PTPN3: variants seen among roughly 807,000 people sequenced by gnomAD.
PTPN3 encodes the protein tyrosine-protein phosphatase non-receptor type 3.
A neutral mutation model predicts 132.7 loss-of-function variants in PTPN3; 96 were observed. That is an observed-to-expected ratio of 0.72 (90% CI 0.61 to 0.86). The LOEUF (loss-of-function observed/expected upper bound fraction) is 0.86, where lower values mean the gene tolerates loss of function less well. Among genes scored for constraint, PTPN3 ranks in the 40% least tolerant of loss-of-function variants. PTPN3 has a pLI of 0.00. For synonymous variants in PTPN3, 398 were observed against 429.0 expected (o/e 0.93, Z 0.89); for missense variants, 1,125 against 1,159.6 (o/e 0.97, Z 0.43).
the PTPN3 span, chr9:109,534,004 C>T: frequency 1.3e-6 from 1 of 767,086 alleles, no homozygotes; most frequent in Non-Finnish European, 2.4e-6. Flanking sequence ...CATCAAACTC[C>T]ACAGTCTCTC....
chr9:109,477,752 C>T (rs963335269), intron 1 of PTPN3, among the ~76,000 whole-genome samples: 1 of 152,248 alleles, frequency 6.6e-6, no homozygotes, highest in Non-Finnish European at 1.5e-5. Flanking sequence ...ATGACCAGCT[C>T]TCCTTCCGGA....
chr9:109,483,532 A>T (rs1847063245), intron 1 of PTPN3, among the ~76,000 whole-genome samples: 1 of 152,158 alleles, frequency 6.6e-6, no homozygotes, highest in Admixed American at 6.5e-5. Flanking sequence ...GAGTGCTAAG[A>T]CAGAGGACCT....
At chr9:109,470,368 A>G (rs1335332870) in intron 1 of PTPN3, among the ~76,000 whole-genome samples, 1 of 152,096 alleles carries the variant, frequency 6.6e-6, no homozygotes, top group African/African-American at 2.4e-5. Context: ...CGCCTTTAGG[A>G]AGACAGAAAC....
chr9:109,510,730 GAT>G, the PTPN3 span, among the ~76,000 whole-genome samples: 2 of 151,036 alleles, frequency 1.3e-5, no homozygotes, highest in African/African-American at 4.9e-5. Context: ...TAATGCTAGT[GAT>G]TCAACTCCTG....
chr9:109,510,514 C>T, the PTPN3 span, among the ~76,000 whole-genome samples: 12 of 143,318 alleles, frequency 8.4e-5, no homozygotes, highest in Admixed American at 2.2e-4. Flanking sequence ...GCCGAGATTG[C>T]GCCATTGCAC....
intron 1 of PTPN3, among the ~76,000 whole-genome samples, chr9:109,476,357 A>G (rs2132087854): frequency 6.6e-6 from 1 of 151,930 alleles, no homozygotes; most frequent in East Asian, 1.9e-4. Flanking sequence ...TCAAAATAAC[A>G]AGTTGTAAAC....
the PTPN3 span, among the ~76,000 whole-genome samples, chr9:109,523,202 C>T: frequency 1.3e-5 from 2 of 151,758 alleles, no homozygotes; most frequent in Non-Finnish European, 2.9e-5. Flanking sequence ...CAGCAACCTC[C>T]GCCTCAGGTT....
chr9:109,386,473 C>T (rs538768159), intron 22 of PTPN3, among the ~76,000 whole-genome samples: 157 of 152,132 alleles, frequency 1.0e-3, no homozygotes, highest in African/African-American at 3.3e-3. Flanking sequence ...GCTCTCGAAT[C>T]GGTGTTGGGG....
chr9:109,459,876 C>T lies in PTPN3; in HGVS notation c.139-2477G>A, dbSNP rs1176046915. Reference sequence around the variant, plus strand: ...TTCTCAGACTCCTTTAGTGCCTGCTCCTCACCTCTCCTACCCTTAAGCACC... The same window carrying T: ...TTCTCAGACTCCTTTAGTGCCTGCTTCTCACCTCTCCTACCCTTAAGCACC... On this transcript the variant is annotated intron_variant, in intron 2 of 25. Transcript: ENST00000374541. Among the ~76,000 whole-genome samples the T allele has an allele frequency of 2.0e-5, 3 of 152,192 alleles. No homozygotes were observed. In the South Asian group the frequency reaches 6.2e-4, roughly 32 times the overall value.
chr9:109,452,169 G>A (rs537321015), intron 5 of PTPN3, among the ~76,000 whole-genome samples: 16 of 150,640 alleles, frequency 1.1e-4, no homozygotes, highest in African/African-American at 3.9e-4. Context: ...TCAGGAGGCT[G>A]AGGCAGGAGA....
At position 109,378,494 on chromosome 9, in the gene PTPN3, A is replaced by G. The variant is rs1838755502; in HGVS notation, c.*1062T>C. On this transcript the variant is annotated 3_prime_UTR_variant, in exon 26 of 26. Transcript: ENST00000374541. ...TTCCATACAGAGACTCATTCTTTAT[A>G]TATACTCAACGGTAATTTGAATCGT... The G allele has an allele frequency of 6.6e-6, 1 of 152,610 alleles. No homozygotes were observed. The highest frequency in any genetic ancestry group is 6.5e-5 in the Admixed American group (1 of 15,282). The allele number at this position is 152,610 out of a possible 1,614,324, so 9.5% of individuals were successfully genotyped here.
At chr9:109,465,630 A>T (rs991324621) in intron 1 of PTPN3, among the ~76,000 whole-genome samples, 2 of 141,860 alleles carry the variant, frequency 1.4e-5, no homozygotes, top group African/African-American at 5.3e-5. Context: ...AATCACTTGA[A>T]CCCAGGAGGC....
chr9:109,473,833 T>C (rs57707037), intron 1 of PTPN3, among the ~76,000 whole-genome samples: 8,362 of 152,170 alleles, frequency 0.055, 357 homozygotes, highest in East Asian at 0.23. Context: ...AGACACTCCC[T>C]TCCACAGGTG....
chr9:109,381,319 G>A (rs960285726), intron 25 of PTPN3, among the ~76,000 whole-genome samples: 1 of 152,194 alleles, frequency 6.6e-6, no homozygotes, highest in Non-Finnish European at 1.5e-5. Context: ...TCAAAGTAGG[G>A]TCATATGCAA....
In PTPN3 at chr9:109,420,453, T is replaced by C. The variant is rs1373618751; in HGVS notation, c.1284A>G (p.Glu428=). The stretch of plus-strand genomic sequence containing the variant: ...GGTGCGGGCTTCGGTTCTGAGAAAC[T>C]TCAGAATCGCTGTCTTGAGGGGCCA... ...GSLAPQDSDS[E]VSQNRSPHQE... Residue 428 remains glutamate, a synonymous_variant, in exon 14 of 26, where the codon GAA becomes GAG. Transcript: ENST00000374541. 4 of 1,607,600 alleles carry C rather than the reference T, an allele frequency of 2.5e-6. No homozygotes were observed. The highest frequency in any genetic ancestry group is 2.7e-5 in the African/African-American group (2 of 74,930).
At position 109,404,565 on chromosome 9, in the gene PTPN3, G is replaced by C; in HGVS notation, c.1836C>G (p.Asn612Lys). The C allele has an allele frequency of 6.4e-7, 1 of 1,564,592 alleles. No homozygotes were observed. Among genetic ancestry groups the C allele is most frequent in the Non-Finnish European group, 8.7e-7 (1 of 1,147,196 alleles). ...GGAAAATGGCTTCGGGGAAAAGCTG[G>C]TTCAGTTCATCTTCAGACTTGAAGT... Reference protein sequence around the residue: ...FADFKSEDELNQLFPEAIFPM... With the variant: ...FADFKSEDELKQLFPEAIFPM... The change falls in exon 19 of 26, where the codon AAC becomes AAG. Residue 612 changes from asparagine (N) to lysine (K), a missense_variant. Physicochemically the swap from Asn to Lys is moderately conservative, Grantham distance 94 (BLOSUM62 0). Transcript: ENST00000374541.
intron 7 of PTPN3, among the ~76,000 whole-genome samples, chr9:109,443,560 C>T (rs1844641951): frequency 6.6e-6 from 1 of 152,152 alleles, no homozygotes; most frequent in African/African-American, 2.4e-5. Flanking sequence ...GTTAGTGTTC[C>T]TGCCTCATAA....
At chr9:109,415,024 G>A (rs1842361146) in intron 14 of PTPN3, among the ~76,000 whole-genome samples, 1 of 151,764 alleles carries the variant, frequency 6.6e-6, no homozygotes, top group African/African-American at 2.4e-5. Context: ...CTAACCATTT[G>A]TCCGTCTGTC....
intron 23 of PTPN3, 64 bp from the exon 24 acceptor site, chr9:109,382,511 A>G: frequency 6.3e-7 from 1 of 1,579,054 alleles, no homozygotes; most frequent in Non-Finnish European, 8.7e-7. Context: ...CCCAGCCCCA[A>G]CCCAGACACA....
Sources: allele counts gnomAD v4.1 joint callset (sites outside exome capture counted in the v4.1 genomes callset), GRCh38; gene constraint gnomAD v4.1.1; transcripts MANE v1.5; gene names NCBI Gene and HGNC (gene_info 2026-07-23, HGNC 2026-07-21).